The following FYB1 variants were observed in gnomAD, a reference collection of about 807,000 sequenced individuals.
FYB1 encodes the protein FYN-binding protein 1.
FYB1 carries 41 observed loss-of-function variants against 94.1 expected under a neutral mutation model. The ratio of observed to expected loss-of-function variants is 0.44; its 90% CI spans 0.34 to 0.57. The LOEUF (loss-of-function observed/expected upper bound fraction) is 0.57, where lower values mean the gene tolerates loss of function less well. FYB1 is among the 20% of genes least tolerant of loss of function. The pLI is 0.02. For missense variants in FYB1, 1,050 were observed against 976.8 expected (o/e 1.07, Z -1.00); for synonymous variants, 367 against 353.2 (o/e 1.04, Z -0.44).
At position 39,139,404 on chromosome 5, in the gene FYB1, C is replaced by T. The variant is rs564336938; in HGVS notation, c.1340-152G>A. 2.2e-4 allele frequency: 139 copies of T among 620,888 alleles called. 2 individuals are homozygous for T. The highest frequency in any genetic ancestry group is 2.0e-3 in the African/African-American group (106 of 53,804). 38.5% of individuals were successfully genotyped at this position (620,888 alleles called of 1,614,324 possible). A position where few individuals can be genotyped will look rare whatever the true frequency, so the allele number is the denominator to read the frequency against. On this transcript the variant is annotated intron_variant, in intron 4 of 18. Coordinates refer to ENST00000512982, the MANE Select transcript of FYB1 (RefSeq NM_001465.6). ...AGATACAGAAATAGAAAATCAAATACGTACTTTAGATCTTTACTATGGCTT... is the reference window on the plus strand; with the variant it reads ...AGATACAGAAATAGAAAATCAAATATGTACTTTAGATCTTTACTATGGCTT...
intron 1 of FYB1, among the ~76,000 whole-genome samples, chr5:39,214,942 T>A (rs1339370445): frequency 4.0e-5 from 6 of 151,880 alleles, no homozygotes; most frequent in Non-Finnish European, 7.4e-5. Context: ...AAAAAAATAT[T>A]GTGTGATTTC....
At chr5:39,220,073 G>A (rs148851234), upstream of FYB1, among the ~76,000 whole-genome samples, 149 of 152,242 alleles carry the variant, frequency 9.8e-4, 2 homozygotes, top group South Asian at 8.5e-3. Context: ...TATTCTTGAG[G>A]CTGGAAGAAA....
At chr5:39,247,071 CATATATAT>C (rs3085950) in intron 1 of FYB1, among the ~76,000 whole-genome samples, 2,597 of 65,604 alleles carry the variant, frequency 0.04, 65 homozygotes, top group East Asian at 0.074. Context: ...AATGCGTGTT[CATATATAT>C]ATATATATAT....
At chr5:39,182,781 C>G (rs1476276549) in intron 2 of FYB1, among the ~76,000 whole-genome samples, 1 of 152,244 alleles carries the variant, frequency 6.6e-6, no homozygotes, top group African/African-American at 2.4e-5. Context: ...ACTTTCCCTA[C>G]AACAGTTAGC....
At chr5:39,111,153 A>G (rs1294951563) in intron 16 of FYB1, among the ~76,000 whole-genome samples, 1 of 151,988 alleles carries the variant, frequency 6.6e-6, no homozygotes, top group Non-Finnish European at 1.5e-5. Context: ...AATGTTTCTC[A>G]GGAAAAATAG....
chr5:39,165,603 A>G (rs747857129), intron 2 of FYB1, among the ~76,000 whole-genome samples: 1 of 152,240 alleles, frequency 6.6e-6, no homozygotes, highest in East Asian at 1.9e-4. Context: ...CTAAGACTTC[A>G]AAAGCAAATA....
intron 1 of FYB1, among the ~76,000 whole-genome samples, chr5:39,214,855 G>A (rs536702742): frequency 1.2e-4 from 19 of 152,290 alleles, no homozygotes; most frequent in African/African-American, 3.4e-4. Flanking sequence ...CCTGAACCTG[G>A]GAGGCGGAGG....
At chr5:39,110,834 A>G in intron 16 of FYB1, 1 of 357,104 alleles carries the variant, frequency 2.8e-6, no homozygotes, top group South Asian at 2.2e-5. Context: ...GAGCAGAGAG[A>G]GAACTGTATT....
Position 39,139,074 on chromosome 5 carries a change from A to G in FYB1, c.1359+159T>C, listed in dbSNP as rs10059957. ...GTCAGTGTGATGACTAGTGTGTAAC[A>G]TCTTAAGCATTTTAGATGAAATAAG... On this transcript the variant is annotated intron_variant, in intron 5 of 18. Coordinates refer to ENST00000512982, the MANE Select transcript of FYB1 (RefSeq NM_001465.6). 0.23 allele frequency: 187,594 copies of G among 803,294 alleles called. 23,089 individuals carry two copies. Among genetic ancestry groups the G allele is most frequent in the African/African-American group, 0.38 (21,972 of 57,592 alleles). The allele number at this position is 803,294 out of a possible 1,614,324, so 49.8% of individuals were successfully genotyped here. A position where few individuals can be genotyped will look rare whatever the true frequency, so the allele number is the denominator to read the frequency against.
chr5:39,137,256 T>G (rs1315014317), intron 7 of FYB1: 3 of 218,556 alleles, frequency 1.4e-5, no homozygotes, highest in Non-Finnish European at 2.7e-5. Context: ...CAGGGATATT[T>G]ATGTGTGTGA....
At chr5:39,195,904 T>TA (rs1371761477) in intron 2 of FYB1, among the ~76,000 whole-genome samples, 5 of 151,772 alleles carry the variant, frequency 3.3e-5, no homozygotes, top group Admixed American at 6.6e-5. Context: ...TGGGTTTTTT[T>TA]AAAAAAAACG....
intron 2 of FYB1, among the ~76,000 whole-genome samples, chr5:39,176,872 T>C (rs985086692): frequency 1.3e-5 from 2 of 152,156 alleles, no homozygotes; most frequent in South Asian, 2.1e-4. Context: ...CTAAAAGAAA[T>C]GCACTGGTAA....
At chr5:39,253,234 T>A (rs1292310480) in intron 1 of FYB1, among the ~76,000 whole-genome samples, 1 of 152,230 alleles carries the variant, frequency 6.6e-6, no homozygotes, top group Non-Finnish European at 1.5e-5. Context: ...AATGCAAGAA[T>A]GTGAACTGAT....
chr5:39,198,568 T>C (rs1481284404), intron 2 of FYB1, among the ~76,000 whole-genome samples: 1 of 152,172 alleles, frequency 6.6e-6, no homozygotes, highest in Non-Finnish European at 1.5e-5. Context: ...GACTTTATGA[T>C]GGTACAAAAG....
chr5:39,121,935 T>TG (rs1357391778), intron 14 of FYB1, among the ~76,000 whole-genome samples: 1 of 152,148 alleles, frequency 6.6e-6, no homozygotes, highest in Non-Finnish European at 1.5e-5. Context: ...AAAAAAGGTT[T>TG]GGGGAAAACA....
chr5:39,220,052 C>G (rs1462378441), upstream of FYB1, among the ~76,000 whole-genome samples: 1 of 152,118 alleles, frequency 6.6e-6, no homozygotes, highest in Non-Finnish European at 1.5e-5. Flanking sequence ...TCTGTCGGCT[C>G]TCTGTTAGAC....
chr5:39,214,074 T>C (rs992442573), intron 1 of FYB1, among the ~76,000 whole-genome samples: 2 of 152,128 alleles, frequency 1.3e-5, no homozygotes, highest in African/African-American at 2.4e-5. Context: ...AACCCTTTCC[T>C]GTGTTATGCT....
chr5:39,229,847 T>A (rs1204509627), intron 1 of FYB1, among the ~76,000 whole-genome samples: 1 of 152,164 alleles, frequency 6.6e-6, no homozygotes, highest in Non-Finnish European at 1.5e-5. Context: ...TTCTAAAAGC[T>A]GGCTTCACAA....
chr5:39,125,965 A>G (rs1276197820), intron 12 of FYB1, 33 bp downstream of exon 12: 1 of 1,597,912 alleles, frequency 6.3e-7, no homozygotes, highest in Non-Finnish European at 8.6e-7. Context: ...TAGTGTAGTT[A>G]TTGTACACTG....
Sources: gnomAD v4.1 joint callset for allele counts (sites outside exome capture counted in the v4.1 genomes callset) on GRCh38, gnomAD v4.1.1 for gene constraint, MANE v1.5 for transcripts, NCBI Gene and HGNC (gene_info 2026-07-23, HGNC 2026-07-21) for gene names.